GALNT13: variants seen among roughly 807,000 people sequenced by gnomAD.
The protein encoded by GALNT13 is polypeptide N-acetylgalactosaminyltransferase 13.
Under a neutral mutation model 64.2 loss-of-function variants are expected in GALNT13, and 28 were observed. The observed-to-expected ratio is 0.44, with a 90% CI of 0.32 to 0.60. The LOEUF (loss-of-function observed/expected upper bound fraction) is 0.60. GALNT13 is among the 20% of genes least tolerant of loss of function. The probability of loss-of-function intolerance (pLI) is 0.05; values close to 1 mark genes in which losing one functional copy is unlikely to be tolerated. For synonymous variants in GALNT13, 214 were observed against 224.6 expected, an observed-to-expected ratio of 0.95 and a Z score of 0.42; for missense variants, 577 against 669.8, an observed-to-expected ratio of 0.86 and a Z score of 1.53.
the GALNT13 span, among the ~76,000 whole-genome samples, chr2:153,193,652 T>TAC: frequency 1.3e-5 from 2 of 148,776 alleles, no homozygotes; most frequent in Non-Finnish European, 3.0e-5. Flanking sequence ...TTCATTTTAA[T>TAC]AAAAAAAAAA....
the GALNT13 span, among the ~76,000 whole-genome samples, chr2:153,228,349 T>C: frequency 6.6e-6 from 1 of 152,192 alleles, no homozygotes; most frequent in Admixed American, 6.5e-5. Context: ...ATATTGCTTG[T>C]TTTTAAAAAA....
the GALNT13 span, among the ~76,000 whole-genome samples, chr2:153,437,517 G>A: frequency 6.6e-6 from 1 of 152,086 alleles, no homozygotes; most frequent in Admixed American, 6.6e-5. Flanking sequence ...CTCCTGTATT[G>A]GGTGCATATA....
rs145568466 is a variant in GALNT13, at chr2:154,157,076, A to G, written c.311+16571A>G. Among the ~76,000 whole-genome samples, 464 of 152,138 alleles carry G rather than the reference A, an allele frequency of 3.0e-3. 2 individuals are homozygous for G. Among genetic ancestry groups the G allele is most frequent in the African/African-American group, 0.011 (442 of 41,516 alleles). ...GTCTATCCTGTTTTCCACTTCGTAAATTATTATTTTATAAATTCATCACTC... is the reference window on the plus strand; with the variant it reads ...GTCTATCCTGTTTTCCACTTCGTAAGTTATTATTTTATAAATTCATCACTC... On this transcript the variant is annotated intron_variant, in intron 4 of 12. Coordinates refer to ENST00000392825, the MANE Select transcript of GALNT13 (RefSeq NM_052917.4).
intron 3 of GALNT13, among the ~76,000 whole-genome samples, chr2:154,017,999 A>G (rs1697122680): frequency 6.6e-6 from 1 of 152,130 alleles, no homozygotes; most frequent in Admixed American, 6.6e-5. Flanking sequence ...TGCCTCCAAA[A>G]GTTTGTTGCT....
chr2:153,954,650 G>A (rs1692441622), intron 3 of GALNT13, among the ~76,000 whole-genome samples: 2 of 150,692 alleles, frequency 1.3e-5, no homozygotes, highest in South Asian at 4.2e-4. Context: ...AAAATTATTA[G>A]GTTTACTGTG....
intron 3 of GALNT13, among the ~76,000 whole-genome samples, chr2:154,017,574 C>T (rs541984432): frequency 5.8e-4 from 88 of 152,086 alleles, no homozygotes; most frequent in African/African-American, 2.0e-3. Context: ...CATATTTTCC[C>T]AAGAATTTGG....
intron 9 of GALNT13, among the ~76,000 whole-genome samples, chr2:154,358,954 T>A (rs1476144627): frequency 6.6e-6 from 1 of 152,094 alleles, no homozygotes; most frequent in African/African-American, 2.4e-5. Context: ...TGTAATAAAA[T>A]AGGACAAAAC....
chr2:153,212,059 C>T, the GALNT13 span, among the ~76,000 whole-genome samples: 1 of 152,134 alleles, frequency 6.6e-6, no homozygotes, highest in East Asian at 1.9e-4. Context: ...AAATGAGATT[C>T]AGAACTCAAG....
chr2:154,298,520 A>T lies in GALNT13; in HGVS notation c.976-2889A>T, dbSNP rs1223609192. Among the ~76,000 whole-genome samples, 2 of 125,344 alleles carry T rather than the reference A, an allele frequency of 1.6e-5. 1 individual carries two copies. The highest frequency in any genetic ancestry group is 3.2e-5 in the Non-Finnish European group (2 of 62,790). The allele number at this position is 125,344 out of a possible 152,430, so 82.2% of individuals were successfully genotyped here. ...TATATACATATATAAATTATATATT[A>T]TATATAAAATTGTATATATTTATAT... On this transcript the variant is annotated intron_variant, in intron 8 of 12. Transcript: ENST00000392825.
At chr2:153,646,299 G>A in the GALNT13 span, among the ~76,000 whole-genome samples, 36,851 of 151,684 alleles carry the variant, frequency 0.24, 5,633 homozygotes, top group Middle Eastern at 0.46. Context: ...TATTTACTAA[G>A]ATTATAGTTT....
chr2:153,295,025 A>C, the GALNT13 span, among the ~76,000 whole-genome samples: 1 of 152,110 alleles, frequency 6.6e-6, no homozygotes, highest in Non-Finnish European at 1.5e-5. Flanking sequence ...AATTTTCCTA[A>C]CCTGAAGCAT....
the GALNT13 span, among the ~76,000 whole-genome samples, chr2:153,699,422 T>A: frequency 6.6e-6 from 1 of 151,698 alleles, no homozygotes; most frequent in Non-Finnish European, 1.5e-5. Flanking sequence ...ACATCACAAT[T>A]GAAAGAACTA....
At chr2:153,915,682 G>T (rs1019909121) in intron 2 of GALNT13, among the ~76,000 whole-genome samples, 1 of 111,302 alleles carries the variant, frequency 9.0e-6, no homozygotes, top group African/African-American at 3.3e-5. Context: ...TAGGAATCTA[G>T]TCTCCTTTTG....
At chr2:153,311,978 T>G in the GALNT13 span, among the ~76,000 whole-genome samples, 1 of 152,236 alleles carries the variant, frequency 6.6e-6, no homozygotes, top group Non-Finnish European at 1.5e-5. Flanking sequence ...TGACTCTCAC[T>G]TTTTGTTTTA....
chr2:153,461,748 C>T, the GALNT13 span, among the ~76,000 whole-genome samples: 1 of 152,040 alleles, frequency 6.6e-6, no homozygotes, highest in African/African-American at 2.4e-5. Context: ...AAATCCACAA[C>T]CCAGAACAAT....
intron 3 of GALNT13, among the ~76,000 whole-genome samples, chr2:154,045,625 A>T (rs1378789790): frequency 6.6e-6 from 1 of 152,216 alleles, no homozygotes; most frequent in Non-Finnish European, 1.5e-5. Context: ...GGAGAAAAGC[A>T]TGTCCTGTAG....
At chr2:153,227,962 G>A in the GALNT13 span, among the ~76,000 whole-genome samples, 2 of 152,188 alleles carry the variant, frequency 1.3e-5, no homozygotes, top group African/African-American at 4.8e-5. Flanking sequence ...GAAATGATAA[G>A]ATATACAACA....
chr2:153,365,884 C>A, the GALNT13 span, among the ~76,000 whole-genome samples: 3 of 152,200 alleles, frequency 2.0e-5, no homozygotes, highest in Admixed American at 1.3e-4. Context: ...AGCAATCCCA[C>A]TACTGGGTAT....
chr2:153,872,646 C>A (rs1327706831), intron 1 of GALNT13, among the ~76,000 whole-genome samples: 14 of 142,318 alleles, frequency 9.8e-5, no homozygotes, highest in African/African-American at 3.8e-4. Context: ...GCGGCTCTGG[C>A]CCCCTCTGCG....
Sources: gnomAD v4.1 joint callset for allele counts (sites outside exome capture counted in the v4.1 genomes callset) on GRCh38, gnomAD v4.1.1 for gene constraint, MANE v1.5 for transcripts, NCBI Gene and HGNC (gene_info 2026-07-23, HGNC 2026-07-21) for gene names.